CUBN: variants seen among roughly 807,000 people sequenced by gnomAD.
CUBN encodes the protein cubilin.
Under a neutral mutation model 405.3 loss-of-function variants are expected in CUBN, and 282 were observed. The ratio of observed to expected loss-of-function variants is 0.70; its 90% CI spans 0.63 to 0.77. The LOEUF (loss-of-function observed/expected upper bound fraction) is 0.77. CUBN is among the 30% of genes least tolerant of loss of function. The pLI is 0.00. For synonymous variants in CUBN, 1,684 were observed against 1,617.0 expected (o/e 1.04, Z -0.99); for missense variants, 4,514 against 4,475.2 (o/e 1.01, Z -0.25).
At chr10:16,943,103 T>C (rs1842701181) in intron 36 of CUBN, among the ~76,000 whole-genome samples, 1 of 152,134 alleles carries the variant, frequency 6.6e-6, no homozygotes, top group Non-Finnish European at 1.5e-5. Flanking sequence ...CACTAATCAA[T>C]ATACCAGGCA....
chr10:17,107,622 C>T (rs201366072), intron 10 of CUBN, among the ~76,000 whole-genome samples: 22 of 151,596 alleles, frequency 1.5e-4, no homozygotes, highest in East Asian at 7.8e-4. Flanking sequence ...CTCAGCCTCC[C>T]GAGTAGCTGG....
chr10:16,834,994 G>A lies in CUBN; in HGVS notation c.10362+20C>T, dbSNP rs750697916. 34 of 1,604,918 alleles carry A rather than the reference G, an allele frequency of 2.1e-5. No homozygotes were observed. The highest frequency in any genetic ancestry group is 2.7e-5 in the Non-Finnish European group (32 of 1,171,952). ...CATCTTTTAAATAATTCATTCAAAC[G>A]ATATTCAAATGCATATCACCTCCAA... is the stretch of plus-strand genomic sequence containing the variant. On this transcript the variant is annotated intron_variant, in intron 64 of 66. Coordinates refer to ENST00000377833, the MANE Select transcript of CUBN (RefSeq NM_001081.4).
At position 16,864,657 on chromosome 10, in the gene CUBN, CT is replaced by C. The variant is rs58100254; in HGVS notation, c.9454+4978del. Among the ~76,000 whole-genome samples, 1,175 of 121,442 alleles carry C rather than the reference CT, an allele frequency of 9.7e-3. 7 individuals carry two copies. The highest frequency in any genetic ancestry group is 0.025 in the African/African-American group (858 of 33,938). 79.7% of individuals were successfully genotyped at this position (121,442 alleles called of 152,430 possible). On this transcript the variant is annotated intron_variant, in intron 59 of 66. Transcript: ENST00000377833. ...TCTGGCCATATGTCTTTTTTTCTTTCTTTTTTTTTTTTTTTTTTAGATGGAT... is the reference window on the plus strand; with the variant it reads ...TCTGGCCATATGTCTTTTTTTCTTTCTTTTTTTTTTTTTTTTTAGATGGAT...
chr10:16,881,682 C>T (rs1238515802), intron 56 of CUBN, among the ~76,000 whole-genome samples: 6 of 152,084 alleles, frequency 3.9e-5, no homozygotes, highest in Admixed American at 3.9e-4. Context: ...TTCTAGTAGT[C>T]GTTTGTTTAA....
At chr10:16,908,044 T>C (rs532745037) in intron 48 of CUBN, among the ~76,000 whole-genome samples, 2 of 152,238 alleles carry the variant, frequency 1.3e-5, no homozygotes, top group African/African-American at 2.4e-5. Flanking sequence ...TTCTTAACAA[T>C]GCATCAGGAC....
At position 17,114,962 on chromosome 10, in the gene CUBN, G is replaced by A. The variant is rs571928741; in HGVS notation, c.720+509C>T. On this transcript the variant is annotated intron_variant, in intron 7 of 66. Transcript: ENST00000377833. ...GGGATAATAAAAATGGTCCCATTTC[G>A]GCCGGGCACGGTGGCTCATGCCTGT... Among the ~76,000 whole-genome samples, 16 of 152,266 alleles carry A rather than the reference G, an allele frequency of 1.1e-4. No individual in the cohort carries two copies. In the East Asian group the frequency reaches 2.1e-3, roughly 20 times the overall value.
chr10:16,913,639 A>AT (rs1489732324), intron 48 of CUBN, among the ~76,000 whole-genome samples, 172 bp downstream of exon 48: 1 of 152,180 alleles, frequency 6.6e-6, no homozygotes, highest in African/African-American at 2.4e-5. Flanking sequence ...AACTTTTACA[A>AT]TTATTTTGAC....
chr10:17,091,225 C>A (rs932743242), intron 14 of CUBN, among the ~76,000 whole-genome samples: 2 of 152,146 alleles, frequency 1.3e-5, no homozygotes, highest in East Asian at 3.9e-4. Context: ...TATTAACAAA[C>A]ACAACAAACA....
intron 8 of CUBN, among the ~76,000 whole-genome samples, chr10:17,111,992 C>A (rs1333769344): frequency 6.6e-6 from 1 of 152,128 alleles, no homozygotes; most frequent in East Asian, 1.9e-4. Context: ...ATTTTTTAAA[C>A]TCTTGCATAT....
At chr10:17,103,830 G>C (rs7921322) in intron 12 of CUBN, among the ~76,000 whole-genome samples, 88,587 of 152,042 alleles carry the variant, frequency 0.58, 26,878 homozygotes, top group East Asian at 0.7. Context: ...TGTGTGAGGA[G>C]GTTTATCGGG....
At chr10:16,850,000 G>A (rs1246780491) in intron 60 of CUBN, among the ~76,000 whole-genome samples, 1 of 152,140 alleles carries the variant, frequency 6.6e-6, no homozygotes, top group Non-Finnish European at 1.5e-5. Context: ...GCACTATTCT[G>A]CTTCAACACA....
chr10:16,871,244 G>A (rs189947797), intron 58 of CUBN, among the ~76,000 whole-genome samples: 86 of 151,666 alleles, frequency 5.7e-4, no homozygotes, highest in African/African-American at 2.1e-3. Flanking sequence ...TTTCTGCCAT[G>A]TTGGCCAGGC....
At chr10:16,870,518 C>A (rs1840319467) in intron 58 of CUBN, among the ~76,000 whole-genome samples, 1 of 152,188 alleles carries the variant, frequency 6.6e-6, no homozygotes, top group Non-Finnish European at 1.5e-5. Context: ...GACATGGCTG[C>A]TAGGAGTTGC....
rs191627943 is a variant in CUBN at position 16,826,887 on chromosome 10, C to A, written c.10765-1805G>T. 2.8e-4 allele frequency among the ~76,000 whole-genome samples: 42 copies of A among 152,240 alleles called. No individual in the cohort carries two copies. In the East Asian group the frequency reaches 7.5e-3, roughly 27 times the overall value. ...ACTGAAAACCATGCCCACAAAAAAA[C>A]CCCTACCAATATAAAGTCATGGTAT... On this transcript the variant is annotated intron_variant, in intron 66 of 66. Coordinates refer to ENST00000377833, the MANE Select transcript of CUBN (RefSeq NM_001081.4).
At chr10:16,924,973 T>C (rs1366954314) in intron 43 of CUBN, among the ~76,000 whole-genome samples, 2 of 152,194 alleles carry the variant, frequency 1.3e-5, no homozygotes, top group African/African-American at 2.4e-5. Context: ...TATTTTATAC[T>C]CATGGAAAAT....
chr10:17,036,182 C>T (rs189680982), intron 27 of CUBN, among the ~76,000 whole-genome samples: 1 of 152,120 alleles, frequency 6.6e-6, no homozygotes, highest in Non-Finnish European at 1.5e-5. Context: ...CATTTGCTGT[C>T]GAGCTCAAAC....
intron 6 of CUBN, among the ~76,000 whole-genome samples, chr10:17,117,361 G>T (rs1274394601): frequency 6.6e-6 from 1 of 151,956 alleles, no homozygotes; most frequent in Non-Finnish European, 1.5e-5. Context: ...CAATGTTTAA[G>T]AATCTTTTTT....
At chr10:16,830,822 G>A (rs951233978) in intron 65 of CUBN, among the ~76,000 whole-genome samples, 7 of 152,100 alleles carry the variant, frequency 4.6e-5, no homozygotes, top group South Asian at 2.1e-4. Context: ...CTGGCCGGGC[G>A]CGGTGGCTCA....
Position 16,906,342 on chromosome 10 carries a change from C to G in CUBN, c.7773G>C (p.Arg2591Ser). 6.2e-7 allele frequency: 1 copy of G among 1,614,052 alleles called. No individual in the cohort carries two copies. Among genetic ancestry groups the G allele is most frequent in the Non-Finnish European group, 8.5e-7 (1 of 1,179,954 alleles). Residue 2591 changes from arginine (R) to serine (S), a missense_variant, in exon 50 of 67, where the codon AGG (arginine) becomes AGC (serine). Coordinates refer to ENST00000377833, the MANE Select transcript of CUBN (RefSeq NM_001081.4). ...NFTSPGYDGV[R>S]NYSRNLNCEW... The stretch of plus-strand genomic sequence containing the variant: ...CGCAGTTCAGGTTTCTTGAGTAATT[C>G]CTGACTCCGTCATAGCCAGGAGAAG...
Sources: gnomAD v4.1 joint callset for allele counts (sites outside exome capture counted in the v4.1 genomes callset) on GRCh38, gnomAD v4.1.1 for gene constraint, MANE v1.5 for transcripts, NCBI Gene and HGNC (gene_info 2026-07-23, HGNC 2026-07-21) for gene names.